Variants in INSL6 observed in about 807,000 individuals in gnomAD.
INSL6 encodes insulin-like peptide INSL6.
In INSL6, 16 loss-of-function variants were observed where a neutral mutation model predicts 9.4. The observed-to-expected ratio is 1.70, with a 90% CI of 1.15 to 2.59. INSL6 has a LOEUF of 2.59. Ranked by LOEUF, INSL6 falls within the 30% of genes most tolerant of loss-of-function variation. INSL6 has a pLI of 0.00. For synonymous variants in INSL6, 154 were observed against 96.9 expected, an observed-to-expected ratio of 1.59 and a Z score of -3.46; for missense variants, 391 against 257.3, an observed-to-expected ratio of 1.52 and a Z score of -3.56.
chr9:5,114,488 T>C, the INSL6 span: 5 of 462,920 alleles, frequency 1.1e-5, no homozygotes, highest in South Asian at 5.6e-5. Flanking sequence ...GCCCATGTGC[T>C]CCCCCACAGG....
chr9:5,151,674 G>T (rs1222487794), intron 2 of INSL6, among the ~76,000 whole-genome samples: 5 of 151,770 alleles, frequency 3.3e-5, no homozygotes, highest in African/African-American at 9.7e-5. Context: ...ATAACCAATA[G>T]GAGAAACAAA....
At chr9:5,180,893 T>C (rs1178079773) in intron 1 of INSL6, among the ~76,000 whole-genome samples, 3 of 152,178 alleles carry the variant, frequency 2.0e-5, no homozygotes, top group Non-Finnish European at 4.4e-5. Context: ...TCTTTGCACT[T>C]TGAAGCATGT....
chr9:5,142,380 T>G (rs924205105), intron 2 of INSL6, among the ~76,000 whole-genome samples: 10 of 152,226 alleles, frequency 6.6e-5, no homozygotes, highest in African/African-American at 2.4e-4. Flanking sequence ...ATGTCATCTC[T>G]GATTTCTTTG....
Position 5,185,573 on chromosome 9 carries a change from C to A in INSL6, c.30G>T (p.Leu10=). The A allele has an allele frequency of 6.2e-7, 1 of 1,613,888 alleles. No individual in the cohort carries two copies. The highest frequency in any genetic ancestry group is 8.5e-7 in the Non-Finnish European group (1 of 1,179,980). MPRLLRLSL[L]WLGLLLVRFS... is the part of the protein sequence containing the mutation. Reference sequence around the variant, plus strand: ...ACCGAACCAGCAGGAGTCCAAGCCACAGCAGGGACAAGCGGAGGAGCCGCG... The same window carrying A: ...ACCGAACCAGCAGGAGTCCAAGCCAAAGCAGGGACAAGCGGAGGAGCCGCG... The change falls in exon 1 of 2, where the codon CTG becomes CTT. Residue 10 remains leucine (L), a synonymous_variant. Transcript: ENST00000381641.
At chr9:5,091,690 G>GT in the INSL6 span, 3 of 152,096 alleles carry the variant, frequency 2.0e-5, no homozygotes, top group African/African-American at 7.2e-5. Flanking sequence ...ATGGTTTTTG[G>GT]TATAGACTTT....
intron 1 of INSL6, among the ~76,000 whole-genome samples, chr9:5,185,059 G>C (rs965836196): frequency 2.0e-5 from 3 of 152,004 alleles, no homozygotes; most frequent in African/African-American, 7.2e-5. Flanking sequence ...CAGATGACTG[G>C]CACTCCAGAA....
the INSL6 span, chr9:5,090,512 A>C: frequency 6.3e-7 from 1 of 1,594,412 alleles, no homozygotes; most frequent in East Asian, 2.3e-5. Flanking sequence ...TATCTTCAAA[A>C]ACATAAAGAA....
At chr9:5,155,391 G>C (rs1440140770) in intron 2 of INSL6, among the ~76,000 whole-genome samples, 2 of 150,126 alleles carry the variant, frequency 1.3e-5, no homozygotes, top group Non-Finnish European at 3.0e-5. Context: ...TGAGTTAATG[G>C]GTGCAGCACA....
chr9:5,002,169 T>C, the INSL6 span, among the ~76,000 whole-genome samples: 1 of 151,856 alleles, frequency 6.6e-6, no homozygotes, highest in African/African-American at 2.4e-5. Context: ...TTATATATTA[T>C]TAATTTTTGT....
the INSL6 span, among the ~76,000 whole-genome samples, chr9:4,998,402 G>A: frequency 1.3e-5 from 2 of 152,006 alleles, no homozygotes; most frequent in East Asian, 1.9e-4. Context: ...GATTATAGGC[G>A]CGCACCACCA....
the INSL6 span, among the ~76,000 whole-genome samples, chr9:5,079,403 A>G: frequency 7.9e-5 from 12 of 152,268 alleles, no homozygotes; most frequent in Non-Finnish European, 1.5e-4. Flanking sequence ...AAATTCCGTG[A>G]TTTGAGCAGA....
At chr9:5,031,974 G>A in the INSL6 span, among the ~76,000 whole-genome samples, 21 of 152,234 alleles carry the variant, frequency 1.4e-4, no homozygotes, top group Admixed American at 2.6e-4. Context: ...CGCCACACCC[G>A]GGAAGCGCAA....
chr9:5,064,949 T>G, the INSL6 span: 1 of 1,606,592 alleles, frequency 6.2e-7, no homozygotes, highest in Non-Finnish European at 8.5e-7. Flanking sequence ...ATATTATAGA[T>G]TAACTGCAGA....
downstream of INSL6, among the ~76,000 whole-genome samples, chr9:5,119,132 G>T (rs1161509499): frequency 6.6e-6 from 1 of 152,102 alleles, no homozygotes; most frequent in Admixed American, 6.5e-5. Context: ...AGGTTGAGTA[G>T]ATTTTGTGAA....
the INSL6 span, among the ~76,000 whole-genome samples, chr9:5,030,182 G>C: frequency 6.6e-6 from 1 of 152,030 alleles, no homozygotes; most frequent in African/African-American, 2.4e-5. Context: ...AATCACAGTG[G>C]CCTTTATTAA....
chr9:5,064,765 A>T, the INSL6 span: 1 of 675,618 alleles, frequency 1.5e-6, no homozygotes, highest in East Asian at 2.8e-5. Context: ...CTGAGCCATA[A>T]AAGATATGAG....
chr9:5,036,408 C>G, the INSL6 span, among the ~76,000 whole-genome samples: 2 of 152,094 alleles, frequency 1.3e-5, no homozygotes, highest in African/African-American at 2.4e-5. Flanking sequence ...AAAAAGAGCC[C>G]ACATTGCCAA....
At chr9:5,116,316 T>G in the INSL6 span, among the ~76,000 whole-genome samples, 1 of 152,240 alleles carries the variant, frequency 6.6e-6, no homozygotes, top group African/African-American at 2.4e-5. Flanking sequence ...TGCTTTAATC[T>G]GGCATTAATT....
chr9:5,112,557 C>T, the INSL6 span: 2 of 623,506 alleles, frequency 3.2e-6, no homozygotes, highest in South Asian at 4.5e-5. Flanking sequence ...TGGCCAATAA[C>T]GCCAGGGAGC....
Sources: allele counts gnomAD v4.1 joint callset (sites outside exome capture counted in the v4.1 genomes callset), GRCh38; gene constraint gnomAD v4.1.1; transcripts MANE v1.5; gene names NCBI Gene and HGNC (gene_info 2026-07-23, HGNC 2026-07-21).